Variants in DENND1A observed in about 807,000 individuals in gnomAD.
The protein encoded by DENND1A is DENN domain-containing protein 1A.
Under a neutral mutation model 113.7 loss-of-function variants are expected in DENND1A, and 51 were observed. The ratio of observed to expected loss-of-function variants is 0.45; its 90% confidence interval spans 0.36 to 0.57. The LOEUF (loss-of-function observed/expected upper bound fraction) is 0.57. Among genes scored for constraint, DENND1A ranks in the 20% least tolerant of loss-of-function variants. The probability of loss-of-function intolerance (pLI) is 0.00; values close to 1 mark genes in which losing one functional copy is unlikely to be tolerated. For synonymous variants in DENND1A, 565 were observed against 570.8 expected, an observed-to-expected ratio of 0.99 and a Z score of 0.14; for missense variants, 1,258 against 1,395.9, an observed-to-expected ratio of 0.90 and a Z score of 1.57.
At chr9:123,543,141 A>T (rs150771320) in intron 13 of DENND1A, among the ~76,000 whole-genome samples, 6 of 152,302 alleles carry the variant, frequency 3.9e-5, no homozygotes, top group Non-Finnish European at 5.9e-5. Flanking sequence ...TGAGATTCCC[A>T]GTCATGGAAC....
chr9:123,662,084 C>T (rs560642345), intron 8 of DENND1A, among the ~76,000 whole-genome samples: 1 of 152,278 alleles, frequency 6.6e-6, no homozygotes, highest in African/African-American at 2.4e-5. Flanking sequence ...TAGCAAGGCG[C>T]ATCACTGCAA....
chr9:123,653,779 G>A (rs1034210258), intron 8 of DENND1A, among the ~76,000 whole-genome samples: 7 of 151,926 alleles, frequency 4.6e-5, no homozygotes, highest in Middle Eastern at 3.4e-3. Flanking sequence ...AAAAATTACC[G>A]TTACCCCATT....
At chr9:123,505,705 A>C (rs938550713) in intron 13 of DENND1A, among the ~76,000 whole-genome samples, 3 of 152,174 alleles carry the variant, frequency 2.0e-5, no homozygotes, top group African/African-American at 7.2e-5. Flanking sequence ...CCGGAACGTG[A>C]AATATTCCAT....
intron 13 of DENND1A, among the ~76,000 whole-genome samples, chr9:123,479,705 C>T (rs2050185862): frequency 6.6e-6 from 1 of 152,230 alleles, no homozygotes; most frequent in South Asian, 2.1e-4. Context: ...ATGCCTTTCC[C>T]TGTCTGCCCA....
Position 123,929,955 on chromosome 9 carries a change from G to T in DENND1A, c.-50C>A. ...CGCGGGCCCCGCTCGGCGCTGCGCT[G>T]CCCGCCCGCCCGCGGCCGACCGGCC... On this transcript the variant is annotated 5_prime_UTR_variant, in exon 1 of 24. Transcript: ENST00000394215. The T allele has an allele frequency of 3.4e-6, 1 of 295,498 alleles. No individual in the cohort carries two copies. The highest frequency in any genetic ancestry group is 6.1e-6 in the Non-Finnish European group (1 of 163,706). The allele number at this position is 295,498 out of a possible 1,614,324, so 18.3% of individuals were successfully genotyped here.
chr9:123,725,788 C>T (rs553162692), intron 5 of DENND1A, among the ~76,000 whole-genome samples: 36 of 152,262 alleles, frequency 2.4e-4, no homozygotes, highest in African/African-American at 8.4e-4. Flanking sequence ...GGGCTGTGAC[C>T]GACTTCAAAG....
intron 19 of DENND1A, among the ~76,000 whole-genome samples, chr9:123,424,542 C>T (rs2045566155): frequency 6.6e-6 from 1 of 152,220 alleles, no homozygotes; most frequent in African/African-American, 2.4e-5. Flanking sequence ...TACTTCCATC[C>T]CCTTCCACAG....
Position 123,878,959 on chromosome 9 carries a change from G to A in DENND1A, c.80C>T (p.Thr27Ile), listed in dbSNP as rs750824179. The A allele has an allele frequency of 6.8e-6, 11 of 1,613,968 alleles. No homozygotes were observed. Among genetic ancestry groups the A allele is most frequent in the Non-Finnish European group, 9.3e-6 (11 of 1,179,932 alleles). ...VEVAYPRTGG[T>I]LSDPEVQRQF... is the part of the protein sequence containing the mutation. ...TCAAACATGCAAAGTACCTGAAAGA[G>A]TGCCACCTGTCCTGGGATAGGCCAC... Residue 27 changes from threonine to isoleucine, a missense_variant, in exon 2 of 24, where the codon ACT (threonine) becomes ATT (isoleucine). This residue lies in a region of DENND1A where 99 missense variants were observed against 164.2 expected (regional missense o/e 0.60). Coordinates refer to ENST00000394215, the MANE Select transcript of DENND1A (RefSeq NM_001352964.2).
chr9:123,453,633 C>T (rs1308273915), intron 16 of DENND1A, among the ~76,000 whole-genome samples: 4 of 152,052 alleles, frequency 2.6e-5, no homozygotes, highest in Non-Finnish European at 4.4e-5. Context: ...AAAACTGATT[C>T]GTATGGAGAG....
chr9:123,745,943 T>C (rs550047686), intron 5 of DENND1A, among the ~76,000 whole-genome samples: 6 of 151,902 alleles, frequency 3.9e-5, no homozygotes, highest in Non-Finnish European at 8.8e-5. Flanking sequence ...AGACTGAAAA[T>C]AACAATTCTA....
intron 5 of DENND1A, among the ~76,000 whole-genome samples, chr9:123,702,449 A>G (rs970683137): frequency 6.6e-6 from 1 of 152,234 alleles, no homozygotes; most frequent in Non-Finnish European, 1.5e-5. Flanking sequence ...ATCCAGGTAC[A>G]GAAAGGTCAA....
chr9:123,670,271 A>C (rs993998385), intron 7 of DENND1A, among the ~76,000 whole-genome samples: 1 of 152,196 alleles, frequency 6.6e-6, no homozygotes, highest in South Asian at 2.1e-4. Context: ...ATGAAAGACA[A>C]AACTCTTAAA....
chr9:123,684,578 G>A (rs2064687055), intron 5 of DENND1A, among the ~76,000 whole-genome samples: 1 of 152,258 alleles, frequency 6.6e-6, no homozygotes, highest in East Asian at 1.9e-4. Context: ...CACAACCTTA[G>A]CACCAAGGTT....
At chr9:123,606,384 G>A (rs1451624729) in intron 11 of DENND1A, among the ~76,000 whole-genome samples, 1 of 152,144 alleles carries the variant, frequency 6.6e-6, no homozygotes, top group Non-Finnish European at 1.5e-5. Context: ...AATCAGCAGG[G>A]CTAAGATCTA....
intron 3 of DENND1A, among the ~76,000 whole-genome samples, chr9:123,774,883 A>G (rs187445618): frequency 5.3e-5 from 8 of 152,226 alleles, no homozygotes; most frequent in Admixed American, 1.3e-4. Context: ...TATCAAGGAC[A>G]TTAAGTGCAG....
chr9:123,765,494 G>A (rs1219219303), intron 4 of DENND1A, among the ~76,000 whole-genome samples: 1 of 152,174 alleles, frequency 6.6e-6, no homozygotes, highest in Non-Finnish European at 1.5e-5. Flanking sequence ...ACCATTAAAT[G>A]ATGCCTCTGG....
At chr9:123,817,526 G>C (rs1284483069) in intron 2 of DENND1A, among the ~76,000 whole-genome samples, 1 of 152,068 alleles carries the variant, frequency 6.6e-6, no homozygotes, top group Non-Finnish European at 1.5e-5. Flanking sequence ...ACCTTAATGA[G>C]CCAATGCACA....
At chr9:123,789,911 T>C (rs544899651) in intron 3 of DENND1A, among the ~76,000 whole-genome samples, 1 of 152,026 alleles carries the variant, frequency 6.6e-6, no homozygotes, top group Non-Finnish European at 1.5e-5. Flanking sequence ...TGCTGGTACA[T>C]GGGAAATACA....
chr9:123,875,166 G>A (rs561645639), intron 2 of DENND1A, among the ~76,000 whole-genome samples: 64 of 152,148 alleles, frequency 4.2e-4, no homozygotes, highest in African/African-American at 1.4e-3. Flanking sequence ...TTCAGAAGGC[G>A]GCACAATTCA....
Sources: gnomAD v4.1 joint callset for allele counts (sites outside exome capture counted in the v4.1 genomes callset) on GRCh38, gnomAD v4.1.1 for gene constraint, gnomAD v4.1.1 regional missense constraint, MANE v1.5 for transcripts, NCBI Gene and HGNC (gene_info 2026-07-23, HGNC 2026-07-21) for gene names.